HHAT: variants seen among roughly 807,000 people sequenced by gnomAD.
HHAT encodes the protein protein-cysteine N-palmitoyltransferase HHAT.
HHAT carries 47 observed loss-of-function variants against 70.8 expected under a neutral mutation model. That is an observed-to-expected ratio of 0.66 (90% CI 0.53 to 0.85). The LOEUF (loss-of-function observed/expected upper bound fraction) is 0.85. Ranked by LOEUF, HHAT falls within the 40% of genes least tolerant of loss-of-function variation. The pLI, the probability that HHAT is intolerant of heterozygous loss-of-function variation, is 0.00. For synonymous variants in HHAT, 228 were observed against 247.6 expected, an observed-to-expected ratio of 0.92 and a Z score of 0.74; for missense variants, 609 against 604.8, an observed-to-expected ratio of 1.01 and a Z score of -0.07.
chr1:210,508,198 C>CAAAA lies in HHAT; in HGVS notation c.1008-4939_1008-4936dup, dbSNP rs10656040. On this transcript the variant is annotated intron_variant, in intron 8 of 11. Coordinates refer to ENST00000261458, the MANE Select transcript of HHAT (RefSeq NM_018194.6). ...TGGGTGACAGAGTGAGACTCCTTCTCAAAAAAAAAAAAAAAAAAAGTCCTA... is the reference window on the plus strand; with the variant it reads ...TGGGTGACAGAGTGAGACTCCTTCTCAAAAAAAAAAAAAAAAAAAAAAAGTCCTA... Among the ~76,000 whole-genome samples the CAAAA allele has an allele frequency of 2.8e-3, 254 of 89,428 alleles. 13 individuals carry two copies. The highest frequency in any genetic ancestry group is 0.021 in the Middle Eastern group (3 of 142). 58.7% of individuals were successfully genotyped at this position (89,428 alleles called of 152,430 possible). A position where few individuals can be genotyped will look rare whatever the true frequency, so the allele number is the denominator to read the frequency against.
intron 8 of HHAT, among the ~76,000 whole-genome samples, chr1:210,502,770 A>T (rs1322567747): frequency 1.3e-5 from 2 of 152,228 alleles, no homozygotes; most frequent in African/African-American, 4.8e-5. Flanking sequence ...ATAGACAACA[A>T]CTTATAAATT....
intron 4 of HHAT, among the ~76,000 whole-genome samples, chr1:210,399,621 A>C (rs1052690561): frequency 1.2e-4 from 18 of 152,186 alleles, no homozygotes; most frequent in South Asian, 6.2e-4. Context: ...ATTTGAATTT[A>C]GGCAGTTAGA....
intron 11 of HHAT, among the ~76,000 whole-genome samples, chr1:210,630,707 G>A (rs1428147907): frequency 6.6e-6 from 1 of 152,182 alleles, no homozygotes; most frequent in African/African-American, 2.4e-5. Context: ...AGCAACATGC[G>A]ACCCAGGACT....
intron 8 of HHAT, among the ~76,000 whole-genome samples, chr1:210,492,120 C>T (rs1175288301): frequency 3.3e-5 from 5 of 152,088 alleles, no homozygotes; most frequent in African/African-American, 1.2e-4. Flanking sequence ...CACACACGTA[C>T]CCACCTGCAT....
At chr1:210,541,655 A>AG (rs1254739278) in intron 9 of HHAT, among the ~76,000 whole-genome samples, 2 of 152,188 alleles carry the variant, frequency 1.3e-5, no homozygotes, top group Non-Finnish European at 2.9e-5. Context: ...TGAACCCGGG[A>AG]GGCGGAGGTT....
At chr1:210,479,747 G>A (rs756745720) in intron 8 of HHAT, among the ~76,000 whole-genome samples, 5 of 152,182 alleles carry the variant, frequency 3.3e-5, no homozygotes, top group Non-Finnish European at 5.9e-5. Flanking sequence ...CTGAAAATAA[G>A]TGAAATAAAT....
At chr1:210,481,204 C>T (rs2094391030) in intron 8 of HHAT, among the ~76,000 whole-genome samples, 1 of 152,136 alleles carries the variant, frequency 6.6e-6, no homozygotes, top group African/African-American at 2.4e-5. Flanking sequence ...AATTAATGAC[C>T]ACTGGGCCAT....
At chr1:210,339,621 G>C (rs939874740) in intron 1 of HHAT, among the ~76,000 whole-genome samples, 3 of 152,184 alleles carry the variant, frequency 2.0e-5, no homozygotes, top group Non-Finnish European at 4.4e-5. Flanking sequence ...GAGAAGGGAG[G>C]TGACTTGTGT....
chr1:210,528,883 A>G (rs188333250), intron 9 of HHAT, among the ~76,000 whole-genome samples: 33 of 152,326 alleles, frequency 2.2e-4, no homozygotes, highest in Admixed American at 1.9e-3. Flanking sequence ...CAAAATCCCC[A>G]CGTGCTCATA....
chr1:210,636,419 A>G (rs1166594044), intron 11 of HHAT, among the ~76,000 whole-genome samples: 1 of 152,072 alleles, frequency 6.6e-6, no homozygotes, highest in African/African-American at 2.4e-5. Flanking sequence ...CACCTGTTAG[A>G]CTTATTGCTT....
chr1:210,637,482 T>A (rs546489504), intron 11 of HHAT, among the ~76,000 whole-genome samples: 28 of 152,266 alleles, frequency 1.8e-4, no homozygotes, highest in African/African-American at 6.0e-4. Context: ...ACATCCAGAA[T>A]ATGAGAAATT....
At chr1:210,401,485 G>A (rs2092072177) in intron 5 of HHAT, among the ~76,000 whole-genome samples, 1 of 152,156 alleles carries the variant, frequency 6.6e-6, no homozygotes, top group Non-Finnish European at 1.5e-5. Flanking sequence ...AAAACAAAGT[G>A]TTTAGCCCCG....
chr1:210,366,118 T>TG (rs755111033), intron 3 of HHAT, among the ~76,000 whole-genome samples: 15 of 152,120 alleles, frequency 9.9e-5, no homozygotes, highest in Non-Finnish European at 1.5e-4. Context: ...TTTGTAGAGA[T>TG]GGGGTCTCAC....
At chr1:210,588,157 A>G in intron 10 of HHAT, 58 bp downstream of exon 10, 1 of 1,407,976 alleles carries the variant, frequency 7.1e-7, no homozygotes, top group South Asian at 1.3e-5. Context: ...GATCAGGTTT[A>G]TTAGGGATGG....
chr1:210,443,398 T>C (rs2093568821), intron 7 of HHAT, among the ~76,000 whole-genome samples: 1 of 149,674 alleles, frequency 6.7e-6, no homozygotes, highest in African/African-American at 2.5e-5. Flanking sequence ...ATTGGTAGCT[T>C]GATGGGGATG....
chr1:210,457,558 G>T (rs2093895738), intron 7 of HHAT, among the ~76,000 whole-genome samples: 2 of 152,114 alleles, frequency 1.3e-5, no homozygotes, highest in Non-Finnish European at 1.5e-5. Flanking sequence ...GGGAGCCAGT[G>T]CCTGACACAC....
chr1:210,588,226 A>G (rs1660915680), intron 10 of HHAT, 127 bp downstream of exon 10: 8 of 736,046 alleles, frequency 1.1e-5, no homozygotes, highest in Admixed American at 5.4e-5. Context: ...TTCAAAGTCC[A>G]TATGCCTAGA....
At chr1:210,454,726 A>G (rs2093826453) in intron 7 of HHAT, among the ~76,000 whole-genome samples, 1 of 152,224 alleles carries the variant, frequency 6.6e-6, no homozygotes, top group South Asian at 2.1e-4. Context: ...ATAGGATTTA[A>G]TATTCTACCT....
intron 9 of HHAT, among the ~76,000 whole-genome samples, chr1:210,543,552 T>C (rs11119539): frequency 0.29 from 44,468 of 151,950 alleles, 6,613 homozygotes; most frequent in Middle Eastern, 0.38. Context: ...TGTGATTGTG[T>C]CACTGCACTC....
Sources: allele counts gnomAD v4.1 joint callset (sites outside exome capture counted in the v4.1 genomes callset), GRCh38; gene constraint gnomAD v4.1.1; transcripts MANE v1.5; gene names NCBI Gene and HGNC (gene_info 2026-07-23, HGNC 2026-07-21).